Variants in SLC5A8 observed in about 807,000 individuals in gnomAD.
SLC5A8 encodes sodium-coupled monocarboxylate transporter 1.
SLC5A8 carries 55 observed loss-of-function variants against 71.9 expected under a neutral mutation model. The observed-to-expected ratio is 0.77, with a 90% CI of 0.62 to 0.96. The LOEUF is 0.96. SLC5A8 is among the 40% of genes least tolerant of loss of function. The pLI, the probability that SLC5A8 is intolerant of heterozygous loss-of-function variation, is 0.00. For synonymous variants in SLC5A8, 307 were observed against 276.1 expected, an observed-to-expected ratio of 1.11 and a Z score of -1.11; for missense variants, 701 against 745.3, an observed-to-expected ratio of 0.94 and a Z score of 0.69.
intron 10 of SLC5A8, among the ~76,000 whole-genome samples, chr12:101,176,218 C>T (rs978774849): frequency 6.6e-6 from 1 of 151,970 alleles, no homozygotes; most frequent in Middle Eastern, 3.4e-3. Context: ...AAAATAAATA[C>T]ACCTCACAGC....
At chr12:101,171,400 C>T (rs2051828762) in intron 10 of SLC5A8, among the ~76,000 whole-genome samples, 1 of 152,084 alleles carries the variant, frequency 6.6e-6, no homozygotes. Flanking sequence ...CATTGTATAC[C>T]ACACTCCACC....
chr12:101,172,407 C>T (rs1311056120), intron 10 of SLC5A8, among the ~76,000 whole-genome samples: 1 of 152,116 alleles, frequency 6.6e-6, no homozygotes, highest in Non-Finnish European at 1.5e-5. Context: ...GACTGGACGA[C>T]ATTGGTATTA....
intron 10 of SLC5A8, among the ~76,000 whole-genome samples, chr12:101,171,738 C>T (rs2051831765): frequency 6.6e-6 from 1 of 152,066 alleles, no homozygotes; most frequent in African/African-American, 2.4e-5. Context: ...GAAGGCATGC[C>T]CAGCAGGCTG....
intron 14 of SLC5A8, 115 bp downstream of exon 14, chr12:101,158,134 G>C: frequency 1.3e-6 from 1 of 753,084 alleles, no homozygotes. Context: ...GATTATATAG[G>C]GTCTATACCT....
chr12:101,159,298 T>C (rs2051704032), intron 13 of SLC5A8, among the ~76,000 whole-genome samples: 1 of 152,220 alleles, frequency 6.6e-6, no homozygotes, highest in Non-Finnish European at 1.5e-5. Context: ...TTCAATGTTA[T>C]TGAGTACCTA....
At chr12:101,167,050 C>T (rs1460862862) in intron 11 of SLC5A8, among the ~76,000 whole-genome samples, 1 of 152,092 alleles carries the variant, frequency 6.6e-6, no homozygotes, top group African/African-American at 2.4e-5. Flanking sequence ...CGTTACCGCC[C>T]CCAGAAAAGG....
At position 101,182,852 on chromosome 12, in the gene SLC5A8, G is replaced by A. The variant is rs1868428732; in HGVS notation, c.1116C>T (p.Tyr372=). ...GAGACCTTTCTGAGAGCGATCTGAAGTAAGGTTTGATTAGATCTTCCACAG... is the reference window on the plus strand; with the variant it reads ...GAGACCTTTCTGAGAGCGATCTGAAATAAGGTTTGATTAGATCTTCCACAG... ...AVTVEDLIKP[Y]FRSLSERSLS... is the part of the protein sequence containing the mutation. Residue 372 remains tyrosine, a synonymous_variant, in exon 9 of 15, where the codon TAC becomes TAT. Transcript: ENST00000536262. The A allele has an allele frequency of 1.3e-6, 2 of 1,595,902 alleles. No individual in the cohort carries two copies. Among genetic ancestry groups the A allele is most frequent in the East Asian group, 2.3e-5 (1 of 43,232 alleles).
At position 101,190,559 on chromosome 12, in the gene SLC5A8, C is replaced by T. The variant is rs1484791077; in HGVS notation, c.742G>A (p.Gly248Arg). 2 of 1,613,006 alleles carry T rather than the reference C, an allele frequency of 1.2e-6. No individual in the cohort carries two copies. Among genetic ancestry groups the T allele is most frequent in the Non-Finnish European group, 1.7e-6 (2 of 1,179,640 alleles). ...QRHTFWTIII[G>R]GTFTWTSIYG... is the part of the protein sequence containing the mutation. ...ATGCTGGTCCATGTGAAGGTCCCTCCTATAATAATTGTCCAGAAGGTGTGT... is the reference window on the plus strand; with the variant it reads ...ATGCTGGTCCATGTGAAGGTCCCTCTTATAATAATTGTCCAGAAGGTGTGT... Residue 248 changes from glycine (G) to arginine (R), a missense_variant, in exon 6 of 15, where the codon GGA (glycine) becomes AGA (arginine). Coordinates refer to ENST00000536262, the MANE Select transcript of SLC5A8 (RefSeq NM_145913.5).
At chr12:101,171,933 A>T (rs2051833420) in intron 10 of SLC5A8, among the ~76,000 whole-genome samples, 1 of 152,210 alleles carries the variant, frequency 6.6e-6, no homozygotes, top group South Asian at 2.1e-4. Context: ...AGCAGGTGAA[A>T]GGAGTTGAAT....
Position 101,210,162 on chromosome 12 carries a change from C to A in SLC5A8, c.-314G>T, listed in dbSNP as rs1869871318. 8.1e-6 allele frequency: 3 copies of A among 370,502 alleles called. No homozygotes were observed. The highest frequency in any genetic ancestry group is 9.4e-5 in the South Asian group (1 of 10,692). 23.0% of individuals were successfully genotyped at this position (370,502 alleles called of 1,614,324 possible). ...CGAGTTCGCCAAGGCGCCGGGGACA[C>A]CTGAGCAGATGAGAACTGGAGCCTC... On this transcript the variant is annotated 5_prime_UTR_variant, in exon 1 of 15. Coordinates refer to ENST00000536262, the MANE Select transcript of SLC5A8 (RefSeq NM_145913.5).
chr12:101,165,512 C>A (rs575611394), intron 12 of SLC5A8, among the ~76,000 whole-genome samples: 3 of 152,102 alleles, frequency 2.0e-5, no homozygotes, highest in African/African-American at 7.2e-5. Context: ...CTCCACAGCA[C>A]CTCACCTAGT....
chr12:101,192,443 G>A (rs182623997), intron 5 of SLC5A8, among the ~76,000 whole-genome samples: 3 of 152,228 alleles, frequency 2.0e-5, no homozygotes, highest in African/African-American at 7.2e-5. Flanking sequence ...ATGTTAAAGC[G>A]GGGCTGCGAT....
At chr12:101,166,321 A>T (rs2051769380) in intron 12 of SLC5A8, among the ~76,000 whole-genome samples, 173 bp downstream of exon 12, 1 of 152,176 alleles carries the variant, frequency 6.6e-6, no homozygotes, top group Non-Finnish European at 1.5e-5. Flanking sequence ...AATTATGAAA[A>T]TATGACATTT....
At chr12:101,178,272 GA>G (rs1358064188) in intron 10 of SLC5A8, among the ~76,000 whole-genome samples, 7 of 152,054 alleles carry the variant, frequency 4.6e-5, no homozygotes, top group African/African-American at 9.7e-5. Context: ...ATTTAAGCAA[GA>G]TTTTTTTTGT....
rs1380901826 is a variant in SLC5A8, at chr12:101,160,107, A to G, written c.1631-1779T>C. ...TGAGGCAGAAGAATCCCTTGAACGC[A>G]GGAGGCAGAGGTTACAGTGAGCCAA... On this transcript the variant is annotated intron_variant, in intron 13 of 14. Transcript: ENST00000536262. 5.9e-5 allele frequency among the ~76,000 whole-genome samples: 9 copies of G among 152,262 alleles called. No individual in the cohort carries two copies. The South Asian group carries it at 1.4e-3, about 25-fold the overall frequency.
chr12:101,188,581 G>A (rs1324411493), intron 6 of SLC5A8, among the ~76,000 whole-genome samples: 3 of 152,098 alleles, frequency 2.0e-5, no homozygotes, highest in African/African-American at 7.2e-5. Flanking sequence ...CTCCCTTTGA[G>A]GCCTCTGTTC....
chr12:101,206,598 A>G (rs1869690105), intron 1 of SLC5A8, among the ~76,000 whole-genome samples: 1 of 152,248 alleles, frequency 6.6e-6, no homozygotes, highest in African/African-American at 2.4e-5. Flanking sequence ...ACTGGACCAG[A>G]TGCCCAAGTC....
intron 1 of SLC5A8, among the ~76,000 whole-genome samples, chr12:101,208,483 C>T (rs1869769475): frequency 6.6e-6 from 1 of 152,100 alleles, no homozygotes; most frequent in African/African-American, 2.4e-5. Flanking sequence ...TGAGGGAGAC[C>T]ACTGAAGGCA....
chr12:101,204,533 A>T lies in SLC5A8; in HGVS notation c.384T>A (p.Arg128=). The T allele has an allele frequency of 6.2e-7, 1 of 1,602,472 alleles. No homozygotes were observed. Residue 128 remains arginine (R), a synonymous_variant, in exon 2 of 15, where the codon CGT becomes CGA. Transcript: ENST00000536262. ...YLELRFNKCV[R]LCGTVLFIVQ... ...CAATGAAGAGGACTGTTCCACAGAGACGAACACATTTGTTAAATCGAAGTT... is the reference window on the plus strand; with the variant it reads ...CAATGAAGAGGACTGTTCCACAGAGTCGAACACATTTGTTAAATCGAAGTT...
Sources: gnomAD v4.1 joint callset for allele counts (sites outside exome capture counted in the v4.1 genomes callset) on GRCh38, gnomAD v4.1.1 for gene constraint, MANE v1.5 for transcripts, NCBI Gene and HGNC (gene_info 2026-07-23, HGNC 2026-07-21) for gene names.